Variants in SNTG2 observed in about 807,000 individuals in gnomAD.
SNTG2 encodes gamma-2-syntrophin.
A neutral mutation model predicts 70.9 loss-of-function variants in SNTG2; 74 were observed. The observed-to-expected ratio is 1.04, with a 90% CI of 0.86 to 1.27. The LOEUF is 1.27. Among genes scored for constraint, SNTG2 ranks in the 50% most tolerant of loss-of-function variants. The pLI, the probability that SNTG2 is intolerant of heterozygous loss-of-function variation, is 0.00. For missense variants in SNTG2, 717 were observed against 690.7 expected (o/e 1.04, Z -0.43); for synonymous variants, 278 against 273.8 (o/e 1.02, Z -0.15).
intron 2 of SNTG2, among the ~76,000 whole-genome samples, chr2:1,089,096 T>A (rs906487892): frequency 6.6e-6 from 1 of 152,196 alleles, no homozygotes; most frequent in Non-Finnish European, 1.5e-5. Context: ...AAGTGGACAG[T>A]CTTGCTGAAA....
rs544183760 is a variant in SNTG2 at position 1,143,532 on chromosome 2, T to C, written c.411+5723T>C. On this transcript the variant is annotated intron_variant, in intron 6 of 16. Coordinates refer to ENST00000308624, the MANE Select transcript of SNTG2 (RefSeq NM_018968.4). ...TGGGGATAAACGGGTTCTTACCAAGTTGGGATTGCTGGAATGCAAAGGGCA... is the reference window on the plus strand; with the variant it reads ...TGGGGATAAACGGGTTCTTACCAAGCTGGGATTGCTGGAATGCAAAGGGCA... 1.1e-4 allele frequency among the ~76,000 whole-genome samples: 17 copies of C among 151,876 alleles called. No individual in the cohort carries two copies. The East Asian group carries it at 3.0e-3, about 27-fold the overall frequency.
In SNTG2 at chr2:1,305,120, G is replaced by C. The variant is rs1369288460; in HGVS notation, c.1285-3374G>C. Among the ~76,000 whole-genome samples, 4 of 152,230 alleles carry C rather than the reference G, an allele frequency of 2.6e-5. No individual in the cohort carries two copies. In the East Asian group the frequency reaches 7.7e-4, roughly 29 times the overall value. On this transcript the variant is annotated intron_variant, in intron 14 of 16. Transcript: ENST00000308624. Reference sequence around the variant, plus strand: ...CACCATATAATGTGCTGGAGATAAAGTTCAGTATGAAAAGACTGTCCTCTG... The same window carrying C: ...CACCATATAATGTGCTGGAGATAAACTTCAGTATGAAAAGACTGTCCTCTG...
chr2:1,075,207 G>C (rs1262483545), intron 1 of SNTG2, among the ~76,000 whole-genome samples: 1 of 152,172 alleles, frequency 6.6e-6, no homozygotes, highest in Non-Finnish European at 1.5e-5. Context: ...AAGTGGAGAA[G>C]TGCTCACTGA....
At chr2:1,186,014 A>G (rs977577644) in intron 8 of SNTG2, among the ~76,000 whole-genome samples, 3 of 152,208 alleles carry the variant, frequency 2.0e-5, no homozygotes, top group African/African-American at 7.2e-5. Flanking sequence ...GCAAACAAAT[A>G]TGAGCACAGG....
At chr2:1,279,355 TACTG>T (rs1679424425) in intron 14 of SNTG2, among the ~76,000 whole-genome samples, 2 of 152,380 alleles carry the variant, frequency 1.3e-5, no homozygotes, top group East Asian at 3.9e-4. Flanking sequence ...ACTAATCTCT[TACTG>T]CACCTAATTC....
chr2:1,222,075 C>T (rs1176941231), intron 9 of SNTG2, among the ~76,000 whole-genome samples: 2 of 91,158 alleles, frequency 2.2e-5, no homozygotes, highest in Non-Finnish European at 4.7e-5. Context: ...TTCTCTCTGT[C>T]TCTGTCTCTG....
chr2:1,124,079 A>T (rs1208825827), intron 4 of SNTG2, among the ~76,000 whole-genome samples: 3 of 152,108 alleles, frequency 2.0e-5, no homozygotes, highest in African/African-American at 7.2e-5. Flanking sequence ...ATAGCTTTTT[A>T]ATAGATTATT....
At chr2:976,875 T>C (rs980109231) in intron 1 of SNTG2, among the ~76,000 whole-genome samples, 1 of 152,004 alleles carries the variant, frequency 6.6e-6, no homozygotes, top group Non-Finnish European at 1.5e-5. Flanking sequence ...CCAGATTTGC[T>C]CAGTTTACCC....
At chr2:1,019,341 A>G (rs1346547964) in intron 1 of SNTG2, among the ~76,000 whole-genome samples, 3 of 152,170 alleles carry the variant, frequency 2.0e-5, no homozygotes, top group Non-Finnish European at 4.4e-5. Context: ...AGTGATTCCA[A>G]ACTGGCGTTT....
intron 1 of SNTG2, among the ~76,000 whole-genome samples, chr2:951,989 A>G (rs973974017): frequency 6.6e-6 from 1 of 152,230 alleles, no homozygotes; most frequent in African/African-American, 2.4e-5. Flanking sequence ...ACAAATTCCT[A>G]TCGTCATAAT....
chr2:1,267,508 C>G lies in SNTG2; in HGVS notation c.1221C>G (p.Ser407Arg), dbSNP rs371127892. 18 of 1,613,692 alleles carry G rather than the reference C, an allele frequency of 1.1e-5. No individual in the cohort carries two copies. In the Admixed American group the frequency reaches 1.8e-4, roughly 16 times the overall value. ...ATGTTTTCAACGTGGAGCTTGGCAGCGAGCTGGCCATGTGGGAGAAGTCCT... is the reference window on the plus strand; with the variant it reads ...ATGTTTTCAACGTGGAGCTTGGCAGGGAGCTGGCCATGTGGGAGAAGTCCT... ...KSHVFNVELG[S>R]ELAMWEKSFQ... Residue 407 changes from serine (S) to arginine (R), a missense_variant, in exon 14 of 17, where the codon AGC (serine) becomes AGG (arginine). Coordinates refer to ENST00000308624, the MANE Select transcript of SNTG2 (RefSeq NM_018968.4).
At chr2:954,771 G>T (rs1232511757) in intron 1 of SNTG2, among the ~76,000 whole-genome samples, 1 of 152,174 alleles carries the variant, frequency 6.6e-6, no homozygotes, top group East Asian at 1.9e-4. Context: ...ATTTCTGGCT[G>T]CCTTCCAGGG....
Position 1,332,313 on chromosome 2 carries a change from A to G in SNTG2, c.1488+15938A>G, listed in dbSNP as rs189931925. 4.4e-3 allele frequency among the ~76,000 whole-genome samples: 669 copies of G among 152,338 alleles called. 4 individuals carry two copies. The highest frequency in any genetic ancestry group is 6.6e-3 in the Non-Finnish European group (451 of 68,030). Reference sequence around the variant, plus strand: ...GTGTTGTAAAAGTGCAAGGACAAGGACGAGGTGGATTCACACCTTAATTCT... The same window carrying G: ...GTGTTGTAAAAGTGCAAGGACAAGGGCGAGGTGGATTCACACCTTAATTCT... On this transcript the variant is annotated intron_variant, in intron 16 of 16. Coordinates refer to ENST00000308624, the MANE Select transcript of SNTG2 (RefSeq NM_018968.4).
At chr2:1,114,933 G>C (rs776506556) in intron 4 of SNTG2, among the ~76,000 whole-genome samples, 2 of 151,782 alleles carry the variant, frequency 1.3e-5, no homozygotes, top group Non-Finnish European at 2.9e-5. Context: ...TGTGTACTAC[G>C]TGAGGTTTAA....
intron 4 of SNTG2, among the ~76,000 whole-genome samples, chr2:1,114,009 C>T (rs1285975573): frequency 6.6e-6 from 1 of 151,764 alleles, no homozygotes; most frequent in African/African-American, 2.4e-5. Flanking sequence ...AGGTTTAACT[C>T]TTACAGTCCT....
chr2:1,355,864 G>A (rs1660825590), intron 16 of SNTG2, among the ~76,000 whole-genome samples: 1 of 152,186 alleles, frequency 6.6e-6, no homozygotes, highest in African/African-American at 2.4e-5. Flanking sequence ...ATGTGGATGT[G>A]TGTTTTTACA....
chr2:1,101,836 C>T (rs112366055), intron 4 of SNTG2, among the ~76,000 whole-genome samples: 53 of 152,232 alleles, frequency 3.5e-4, no homozygotes, highest in African/African-American at 1.2e-3. Flanking sequence ...GATGAGAGGC[C>T]GGGACAGGTG....
chr2:1,365,296 G>A (rs1261985140), intron 16 of SNTG2, among the ~76,000 whole-genome samples: 1 of 152,194 alleles, frequency 6.6e-6, no homozygotes, highest in African/African-American at 2.4e-5. Flanking sequence ...AGACTATGAA[G>A]CTTTGGCAGG....
chr2:1,083,487 A>AT (rs1030918153), intron 1 of SNTG2, 31 bp from the exon 2 acceptor site: 15 of 1,611,218 alleles, frequency 9.3e-6, no homozygotes, highest in Non-Finnish European at 1.2e-5. Context: ...CCCTCACACC[A>AT]TTTTTTTGTG....
Sources: gnomAD v4.1 joint callset for allele counts (sites outside exome capture counted in the v4.1 genomes callset) on GRCh38, gnomAD v4.1.1 for gene constraint, MANE v1.5 for transcripts, NCBI Gene and HGNC (gene_info 2026-07-23, HGNC 2026-07-21) for gene names.